The following MAF variants were observed in gnomAD, a reference collection of about 807,000 sequenced individuals.
The protein encoded by MAF is transcription factor Maf.
Under a neutral mutation model 22.0 loss-of-function variants are expected in MAF, and 10 were observed. The observed-to-expected ratio is 0.45, with a 90% CI of 0.28 to 0.77. The LOEUF is 0.77. Among genes scored for constraint, MAF ranks in the 30% least tolerant of loss-of-function variants. The probability of loss-of-function intolerance (pLI) is 0.12; values close to 1 mark genes in which losing one functional copy is unlikely to be tolerated. For synonymous variants in MAF, 337 were observed against 255.8 expected, an observed-to-expected ratio of 1.32 and a Z score of -3.03; for missense variants, 544 against 548.4, an observed-to-expected ratio of 0.99 and a Z score of 0.08.
the MAF span, among the ~76,000 whole-genome samples, chr16:79,461,759 T>C: frequency 6.6e-6 from 1 of 152,210 alleles, no homozygotes; most frequent in Non-Finnish European, 1.5e-5. Context: ...ATGTGGTTGG[T>C]CTGAAAACAG....
the MAF span, among the ~76,000 whole-genome samples, chr16:79,407,483 C>T: frequency 1.6e-4 from 24 of 152,260 alleles, no homozygotes; most frequent in East Asian, 5.8e-4. Context: ...CCCTCTCTCC[C>T]TCTGCATGTG....
the MAF span, among the ~76,000 whole-genome samples, chr16:79,373,502 C>T: frequency 3.3e-5 from 5 of 150,604 alleles, no homozygotes; most frequent in Admixed American, 3.3e-4. Flanking sequence ...CCTGCCTCAG[C>T]CTCCCAAGTA....
chr16:79,575,366 C>G, the MAF span, among the ~76,000 whole-genome samples: 1 of 152,194 alleles, frequency 6.6e-6, no homozygotes, highest in East Asian at 1.9e-4. Context: ...AGGAGACAGT[C>G]AGCTATCTTT....
intron 1 of MAF, chr16:79,596,148 C>G: frequency 2.8e-6 from 3 of 1,062,870 alleles, no homozygotes; most frequent in Non-Finnish European, 3.4e-6. Flanking sequence ...TGGCTTTGCT[C>G]CTGATCAGAA....
the MAF span, among the ~76,000 whole-genome samples, chr16:79,239,946 C>A: frequency 6.6e-6 from 1 of 151,928 alleles, no homozygotes; most frequent in Admixed American, 6.6e-5. Flanking sequence ...GAATGTTTTA[C>A]GGATAGATGC....
At chr16:79,579,198 T>C in the MAF span, among the ~76,000 whole-genome samples, 6 of 152,174 alleles carry the variant, frequency 3.9e-5, no homozygotes, top group African/African-American at 1.4e-4. Context: ...TACTCCTTCA[T>C]GAAAAAGTAA....
At chr16:79,344,023 C>G in the MAF span, among the ~76,000 whole-genome samples, 496 of 152,328 alleles carry the variant, frequency 3.3e-3, 4 homozygotes, top group Non-Finnish European at 5.4e-3. Context: ...TTGCTCATCA[C>G]AGAAGTATCT....
At chr16:79,539,436 G>A in the MAF span, among the ~76,000 whole-genome samples, 2 of 152,132 alleles carry the variant, frequency 1.3e-5, no homozygotes, top group African/African-American at 4.8e-5. Context: ...CCCAGGAGGT[G>A]GAGGTTGCAG....
the MAF span, among the ~76,000 whole-genome samples, chr16:79,278,142 T>G: frequency 2.0e-5 from 3 of 152,222 alleles, no homozygotes; most frequent in Non-Finnish European, 1.5e-5. Flanking sequence ...AGGACTAGAT[T>G]GAGTCGTCCA....
chr16:79,566,759 A>C, the MAF span, among the ~76,000 whole-genome samples: 8 of 152,188 alleles, frequency 5.3e-5, no homozygotes, highest in African/African-American at 1.4e-4. Flanking sequence ...AGGAACCTCC[A>C]GTTCCCGACT....
chr16:79,511,467 G>GT, the MAF span, among the ~76,000 whole-genome samples: 3 of 152,188 alleles, frequency 2.0e-5, no homozygotes, highest in African/African-American at 7.2e-5. Flanking sequence ...GCCCAGGAAA[G>GT]TTTTATCATC....
At chr16:79,322,307 C>T in the MAF span, among the ~76,000 whole-genome samples, 2,547 of 152,184 alleles carry the variant, frequency 0.017, 17 homozygotes, top group Middle Eastern at 0.041. Context: ...AGAAGAGTAT[C>T]GGCACTCAGG....
the MAF span, among the ~76,000 whole-genome samples, chr16:79,335,410 C>T: frequency 6.6e-6 from 1 of 152,158 alleles, no homozygotes; most frequent in Admixed American, 6.5e-5. Flanking sequence ...AGAGCTAAGT[C>T]AAGCTGAAAT....
the MAF span, among the ~76,000 whole-genome samples, chr16:79,307,363 A>G: frequency 6.6e-6 from 1 of 152,196 alleles, no homozygotes; most frequent in African/African-American, 2.4e-5. Flanking sequence ...CCCCTTGTTC[A>G]GTGGGAGGCA....
chr16:79,573,993 C>A, the MAF span, among the ~76,000 whole-genome samples: 1 of 152,164 alleles, frequency 6.6e-6, no homozygotes, highest in African/African-American at 2.4e-5. Context: ...GTATACCGTG[C>A]CGCATTCTGG....
Position 79,596,426 on chromosome 16 carries a change from T to C in MAF, c.1119-1873A>G, listed in dbSNP as rs1913527694. ...GAGAAAAGGATGCATTTTACACTTT[T>C]AACGAGGTTGTTGGGCCCAGTTAAA... is the stretch of plus-strand genomic sequence containing the variant. On this transcript the variant is annotated intron_variant, in intron 1 of 1. Transcript: ENST00000326043. 2.8e-6 allele frequency: 3 copies of C among 1,057,270 alleles called. No homozygotes were observed. The Admixed American group carries it at 1.6e-4, about 57-fold the overall frequency. 65.5% of individuals were successfully genotyped at this position (1,057,270 alleles called of 1,614,324 possible). A position where few individuals can be genotyped will look rare whatever the true frequency, so the allele number is the denominator to read the frequency against.
chr16:79,535,874 T>C, the MAF span, among the ~76,000 whole-genome samples: 1 of 152,156 alleles, frequency 6.6e-6, no homozygotes, highest in East Asian at 1.9e-4. Context: ...CCCGGCTGCA[T>C]TGCTACTTTA....
At chr16:79,420,004 G>GT in the MAF span, among the ~76,000 whole-genome samples, 59,533 of 148,628 alleles carry the variant, frequency 0.4, 12,892 homozygotes, top group East Asian at 0.75. Context: ...GTAACACACG[G>GT]TTTTTTTTTT....
chr16:79,577,267 A>G, the MAF span, among the ~76,000 whole-genome samples: 1 of 152,152 alleles, frequency 6.6e-6, no homozygotes, highest in Non-Finnish European at 1.5e-5. Flanking sequence ...AAGATGACAA[A>G]GACGGAGAGG....
Sources: allele counts gnomAD v4.1 joint callset (sites outside exome capture counted in the v4.1 genomes callset), GRCh38; gene constraint gnomAD v4.1.1; transcripts MANE v1.5; gene names NCBI Gene and HGNC (gene_info 2026-07-23, HGNC 2026-07-21).